NELL1: variants seen among roughly 807,000 people sequenced by gnomAD.
The protein encoded by NELL1 is neural EGFL like 1, also known as protein kinase C-binding protein NELL1.
Under a neutral mutation model 107.4 loss-of-function variants are expected in NELL1, and 76 were observed. That is an observed-to-expected ratio of 0.71 (90% CI 0.59 to 0.86). The LOEUF (loss-of-function observed/expected upper bound fraction) is 0.86. Ranked by LOEUF, NELL1 falls within the 40% of genes least tolerant of loss-of-function variation. The pLI is 0.00. For missense variants in NELL1, 1,024 were observed against 1,005.5 expected, an observed-to-expected ratio of 1.02 and a Z score of -0.25; for synonymous variants, 353 against 341.2, an observed-to-expected ratio of 1.03 and a Z score of -0.38.
At position 21,274,733 on chromosome 11, in the gene NELL1, G is replaced by T. The variant is rs1044744982; in HGVS notation, c.1549+45279G>T. Among the ~76,000 whole-genome samples the T allele has an allele frequency of 1.7e-4, 26 of 152,088 alleles. 1 individual carries two copies. Among genetic ancestry groups the T allele is most frequent in the Non-Finnish European group, 1.0e-4 (7 of 68,026 alleles). On this transcript the variant is annotated intron_variant, in intron 14 of 19. Coordinates refer to ENST00000357134, the MANE Select transcript of NELL1 (RefSeq NM_006157.5). ...CACAGTGCAATCAAACTAGAACTCA[G>T]GATTAAGAAACTCACTCAAAACCGC...
chr11:20,893,075 G>A (rs528998456), intron 5 of NELL1, among the ~76,000 whole-genome samples: 1 of 152,198 alleles, frequency 6.6e-6, no homozygotes, highest in South Asian at 2.1e-4. Context: ...ATACTACACA[G>A]CCATGAAAAG....
chr11:20,771,329 CT>C lies in NELL1; in HGVS notation c.185-12350del, dbSNP rs543389121. Among the ~76,000 whole-genome samples the C allele has an allele frequency of 7.2e-5, 11 of 152,244 alleles. 1 individual carries two copies. The South Asian group carries it at 2.3e-3, about 32-fold the overall frequency. On this transcript the variant is annotated intron_variant, in intron 2 of 19. Transcript: ENST00000357134. Reference sequence around the variant, plus strand: ...ATTGCTGAGGCCACCAAAGTCATTTCTCACTGAGCCTCTGACAGTTTGCTAA... The same window carrying C: ...ATTGCTGAGGCCACCAAAGTCATTTCCACTGAGCCTCTGACAGTTTGCTAA...
At chr11:20,897,324 A>G (rs1448377321) in intron 5 of NELL1, among the ~76,000 whole-genome samples, 1 of 152,222 alleles carries the variant, frequency 6.6e-6, no homozygotes, top group Non-Finnish European at 1.5e-5. Context: ...AGGATTCCCT[A>G]TTTAATAAAT....
chr11:20,921,383 C>T (rs2134163556), intron 7 of NELL1, among the ~76,000 whole-genome samples: 1 of 152,222 alleles, frequency 6.6e-6, no homozygotes, highest in East Asian at 1.9e-4. Flanking sequence ...ATTCATTAGT[C>T]TGCTTTACAG....
intron 13 of NELL1, among the ~76,000 whole-genome samples, chr11:21,210,189 A>G (rs369137032): frequency 2.6e-5 from 4 of 152,272 alleles, no homozygotes; most frequent in Non-Finnish European, 4.4e-5. Flanking sequence ...TAATACTGCT[A>G]TGAGTATCTG....
At chr11:21,166,023 G>C (rs1407440693) in intron 13 of NELL1, among the ~76,000 whole-genome samples, 8 of 151,552 alleles carry the variant, frequency 5.3e-5, no homozygotes. Context: ...CCAAAGTGCT[G>C]GGATTACAGG....
chr11:20,774,954 A>G (rs1856720142), intron 2 of NELL1, among the ~76,000 whole-genome samples: 2 of 152,160 alleles, frequency 1.3e-5, no homozygotes, highest in South Asian at 4.1e-4. Flanking sequence ...CCAAAAAAAA[A>G]GAAAAAAAAA....
chr11:21,392,017 A>G (rs1851890193), intron 15 of NELL1, among the ~76,000 whole-genome samples: 1 of 151,822 alleles, frequency 6.6e-6, no homozygotes, highest in Admixed American at 6.6e-5. Context: ...TTCTGGAGCA[A>G]TTAAACTTGA....
At chr11:20,816,595 T>C (rs148726518) in intron 3 of NELL1, among the ~76,000 whole-genome samples, 2 of 152,046 alleles carry the variant, frequency 1.3e-5, no homozygotes, top group African/African-American at 4.8e-5. Flanking sequence ...CAACAAAGAA[T>C]TTAAATCCTT....
At chr11:20,976,844 G>C (rs1190321208) in intron 12 of NELL1, among the ~76,000 whole-genome samples, 2 of 152,022 alleles carry the variant, frequency 1.3e-5, no homozygotes, top group Non-Finnish European at 2.9e-5. Context: ...TAAGTGGCAG[G>C]ATTTTTTTTA....
rs566384683 is a variant in NELL1, at chr11:21,080,892, T to TAC, written c.1301-32682_1301-32681dup. On this transcript the variant is annotated intron_variant, in intron 12 of 19. Coordinates refer to ENST00000357134, the MANE Select transcript of NELL1 (RefSeq NM_006157.5). ...CTTTGCCAATCTGATATATATTACA[T>TAC]ACACACACACACACACGCACACACA... Among the ~76,000 whole-genome samples, 730 of 150,562 alleles carry TAC rather than the reference T, an allele frequency of 4.8e-3. 4 individuals are homozygous for TAC. Among genetic ancestry groups the TAC allele is most frequent in the African/African-American group, 0.016 (661 of 41,192 alleles).
intron 15 of NELL1, among the ~76,000 whole-genome samples, chr11:21,509,465 C>T (rs1855380669): frequency 6.6e-6 from 1 of 151,916 alleles, no homozygotes; most frequent in South Asian, 2.1e-4. Flanking sequence ...AGCTAAATTT[C>T]CATCAAAGGT....
At chr11:20,927,550 T>A in intron 8 of NELL1, 108 bp downstream of exon 8, 1 of 1,125,200 alleles carries the variant, frequency 8.9e-7, no homozygotes, top group Non-Finnish European at 1.2e-6. Context: ...CTGAGAATTG[T>A]TAGGTTTTTA....
rs1491471447 is a variant in NELL1 at position 20,981,981 on chromosome 11, T to TC, written c.1300+21421_1300+21422insC. 7.6e-4 allele frequency among the ~76,000 whole-genome samples: 114 copies of TC among 150,826 alleles called. 1 individual carries two copies. Among genetic ancestry groups the TC allele is most frequent in the African/African-American group, 2.7e-3 (111 of 40,602 alleles). On this transcript the variant is annotated intron_variant, in intron 12 of 19. Transcript: ENST00000357134. ...TTCTCTCTCTCTCTCTCTCTCTCTC[T>TC]TTCTCTCTCTTTCTCCTTCTGACTT...
At chr11:21,237,928 C>T (rs1398108948) in intron 14 of NELL1, among the ~76,000 whole-genome samples, 2 of 151,776 alleles carry the variant, frequency 1.3e-5, no homozygotes, top group African/African-American at 4.8e-5. Flanking sequence ...CTTTAAATAC[C>T]ATCTATATGC....
chr11:21,245,349 T>C (rs1858463442), intron 14 of NELL1, among the ~76,000 whole-genome samples: 1 of 152,204 alleles, frequency 6.6e-6, no homozygotes, highest in South Asian at 2.1e-4. Flanking sequence ...CAAGCTTCTG[T>C]GAACCTGCTT....
At chr11:21,072,983 T>G (rs1296031959) in intron 12 of NELL1, among the ~76,000 whole-genome samples, 2 of 152,168 alleles carry the variant, frequency 1.3e-5, no homozygotes, top group Admixed American at 1.3e-4. Context: ...TAGCTTGCTC[T>G]TTCTTCCTTC....
chr11:20,692,551 G>A (rs1010822191), intron 2 of NELL1, among the ~76,000 whole-genome samples: 13 of 150,640 alleles, frequency 8.6e-5, no homozygotes, highest in African/African-American at 2.9e-4. Context: ...GTACCCAGTA[G>A]TCATTCAGGA....
At chr11:21,484,758 A>T (rs1237854845) in intron 15 of NELL1, among the ~76,000 whole-genome samples, 1 of 152,192 alleles carries the variant, frequency 6.6e-6, no homozygotes, top group East Asian at 1.9e-4. Flanking sequence ...TCTCAATTTC[A>T]TAGGATATAT....
Sources: gnomAD v4.1 joint callset for allele counts (sites outside exome capture counted in the v4.1 genomes callset) on GRCh38, gnomAD v4.1.1 for gene constraint, MANE v1.5 for transcripts, NCBI Gene and HGNC (gene_info 2026-07-23, HGNC 2026-07-21) for gene names.